The following MKRN2 variants were observed in gnomAD, a reference collection of about 807,000 sequenced individuals.
MKRN2 encodes makorin ring finger protein 2.
MKRN2 carries 32 observed loss-of-function variants against 45.4 expected under a neutral mutation model. The ratio of observed to expected loss-of-function variants is 0.70; its 90% CI spans 0.53 to 0.95. MKRN2 has a LOEUF of 0.95. Ranked by LOEUF, MKRN2 falls within the 40% of genes least tolerant of loss-of-function variation. MKRN2 has a pLI of 0.00. For synonymous variants in MKRN2, 206 were observed against 192.4 expected, an observed-to-expected ratio of 1.07 and a Z score of -0.59; for missense variants, 526 against 536.7, an observed-to-expected ratio of 0.98 and a Z score of 0.20.
At chr3:12,571,318 C>T (rs2058097802) in intron 3 of MKRN2, among the ~76,000 whole-genome samples, 1 of 152,094 alleles carries the variant, frequency 6.6e-6, no homozygotes, top group South Asian at 2.1e-4. Flanking sequence ...ACTATGTTGG[C>T]CAGGCTGGTC....
chr3:12,577,392 G>T (rs929823865), intron 6 of MKRN2, among the ~76,000 whole-genome samples: 1 of 151,726 alleles, frequency 6.6e-6, no homozygotes, highest in Non-Finnish European at 1.5e-5. Context: ...TTCTTTTCCT[G>T]CTGGGACTCT....
rs149484855 is a variant in MKRN2 at position 12,568,897 on chromosome 3, C to T, written c.49C>T (p.Arg17Trp). ...TCRYFMHGVC[R>W]EGSQCLFSHD... The stretch of plus-strand genomic sequence containing the variant: ...CAGGTATTTTATGCATGGTGTGTGT[C>T]GGGAAGGAAGTCAGTGCCTATTCTC... Residue 17 changes from arginine (R) to tryptophan (W), a missense_variant, in exon 2 of 8, where the codon CGG becomes TGG. Physicochemically the swap from Arg to Trp is moderately radical, Grantham distance 101. Coordinates refer to ENST00000170447, the MANE Select transcript of MKRN2 (RefSeq NM_014160.5). 8.1e-6 allele frequency: 13 copies of T among 1,613,642 alleles called. No homozygotes were observed. The East Asian group carries it at 8.9e-5, about 11-fold the overall frequency.
chr3:12,566,876 T>G (rs1350609709), intron 1 of MKRN2, among the ~76,000 whole-genome samples: 1 of 152,254 alleles, frequency 6.6e-6, no homozygotes, highest in African/African-American at 2.4e-5. Context: ...GCGCTGGGAT[T>G]ATAGGCGTGA....
chr3:12,574,935 C>T lies in MKRN2; in HGVS notation c.786C>T (p.Cys262=), dbSNP rs1457077257. 1.2e-6 allele frequency: 2 copies of T among 1,614,256 alleles called. No homozygotes were observed. The highest frequency in any genetic ancestry group is 2.2e-5 in the East Asian group (1 of 44,884). Residue 262 remains cysteine, a synonymous_variant, in exon 5 of 8, where the codon TGC becomes TGT. Coordinates refer to ENST00000170447, the MANE Select transcript of MKRN2 (RefSeq NM_014160.5). ...SERRFGILSN[C]NHTYCLSCIR... ...GGAGATTTGGGATTCTCTCCAATTG[C>T]AATCACACGTACTGTTTGTCCTGCA...
At chr3:12,563,858 G>A (rs1004005122) in intron 1 of MKRN2, among the ~76,000 whole-genome samples, 2 of 25,366 alleles carry the variant, frequency 7.9e-5, no homozygotes, top group Non-Finnish European at 1.7e-4. Context: ...GTCCATTAGC[G>A]CACGCTTGAG....
intron 6 of MKRN2, among the ~76,000 whole-genome samples, chr3:12,578,858 ATTTTTTTTTTTTT>A (rs374121518): frequency 8.0e-6 from 1 of 125,230 alleles, no homozygotes; most frequent in South Asian, 2.6e-4. Flanking sequence ...CTAAAGCTTG[ATTTTTTTTTTTTT>A]TTTTTTTTTA....
intron 1 of MKRN2, among the ~76,000 whole-genome samples, chr3:12,564,338 C>G (rs1056993912): frequency 6.6e-6 from 1 of 152,202 alleles, no homozygotes; most frequent in East Asian, 1.9e-4. Context: ...TACTGTTTTT[C>G]TATAGAAGCT....
intron 2 of MKRN2, 103 bp downstream of exon 2, chr3:12,569,106 CA>C: frequency 3.0e-6 from 4 of 1,347,184 alleles, no homozygotes; most frequent in Non-Finnish European, 3.0e-6. Flanking sequence ...GGCAACATCA[CA>C]AAAAGTATGG....
chr3:12,557,286 G>C, intron 1 of MKRN2, 110 bp downstream of exon 1: 1 of 1,400,564 alleles, frequency 7.1e-7, no homozygotes, highest in Non-Finnish European at 9.5e-7. Flanking sequence ...GACTCGGAAA[G>C]TTACTCGGCT....
rs1575525564 is a variant in MKRN2 at position 12,582,502 on chromosome 3, CAG to C, written c.*250_*251del. ...TGATATAGTTACACCTCAAGCCCCT[CAG>C]GGGTAACAACTAACAAACACCCAAA... is the stretch of plus-strand genomic sequence containing the variant. On this transcript the variant is annotated 3_prime_UTR_variant, in exon 8 of 8. Coordinates refer to ENST00000170447, the MANE Select transcript of MKRN2 (RefSeq NM_014160.5). The C allele has an allele frequency of 4.7e-6, 2 of 422,770 alleles. No homozygotes were observed. Among genetic ancestry groups the C allele is most frequent in the East Asian group, 3.8e-5 (1 of 26,394 alleles). 26.2% of individuals were successfully genotyped at this position (422,770 alleles called of 1,614,324 possible).
chr3:12,577,548 G>T (rs2058149400), intron 6 of MKRN2, among the ~76,000 whole-genome samples: 1 of 151,948 alleles, frequency 6.6e-6, no homozygotes, highest in Non-Finnish European at 1.5e-5. Flanking sequence ...GACCTCTGTT[G>T]TCTTTTAAGA....
At chr3:12,562,353 G>A (rs751516334) in intron 1 of MKRN2, among the ~76,000 whole-genome samples, 2 of 152,188 alleles carry the variant, frequency 1.3e-5, no homozygotes, top group African/African-American at 4.8e-5. Context: ...CAGGCAAGGG[G>A]CAGCCTTGGA....
At chr3:12,558,525 A>G (rs2058004708) in intron 1 of MKRN2, among the ~76,000 whole-genome samples, 1 of 152,176 alleles carries the variant, frequency 6.6e-6, no homozygotes, top group Admixed American at 6.5e-5. Flanking sequence ...AAGTGTCCAC[A>G]AAACAGTACA....
intron 5 of MKRN2, among the ~76,000 whole-genome samples, chr3:12,576,064 A>G (rs1476951502): frequency 6.6e-6 from 1 of 152,148 alleles, no homozygotes; most frequent in Non-Finnish European, 1.5e-5. Context: ...TTATGGTATA[A>G]TAACTCTACA....
At position 12,558,127 on chromosome 3, in the gene MKRN2, AAC is replaced by A. The variant is rs2057998966; in HGVS notation, c.26+953_26+954del. ...AAACAGTTATAGAGTTTGTGTAATA[AAC>A]AGTTTATTTTCTATGTTGTTACTTC... On this transcript the variant is annotated intron_variant, in intron 1 of 7. Coordinates refer to ENST00000170447, the MANE Select transcript of MKRN2 (RefSeq NM_014160.5). Among the ~76,000 whole-genome samples, 6 of 152,350 alleles carry A rather than the reference AAC, an allele frequency of 3.9e-5. No individual in the cohort carries two copies. The South Asian group carries it at 1.2e-3, about 32-fold the overall frequency.
chr3:12,583,073 A>C lies in MKRN2; in HGVS notation c.*820A>C, dbSNP rs2058197596. 2 of 152,240 alleles carry C rather than the reference A, an allele frequency of 1.3e-5. No homozygotes were observed. The highest frequency in any genetic ancestry group is 1.9e-4 in the East Asian group (1 of 5,198). 9.4% of individuals were successfully genotyped at this position (152,240 alleles called of 1,614,324 possible). On this transcript the variant is annotated 3_prime_UTR_variant, in exon 8 of 8. Transcript: ENST00000170447. ...ATCAGGGTAATTGTATTGAGAACTC[A>C]AATATACGTGCACTTACATGTGTGG...
At chr3:12,557,391 G>T (rs1028179008) in intron 1 of MKRN2, among the ~76,000 whole-genome samples, 1 of 152,244 alleles carries the variant, frequency 6.6e-6, no homozygotes, top group African/African-American at 2.4e-5. Flanking sequence ...AGGCCAGCGC[G>T]GGGGGCTACG....
In MKRN2 at chr3:12,557,853, C is replaced by T. The variant is rs544058564; in HGVS notation, c.26+677C>T. On this transcript the variant is annotated intron_variant, in intron 1 of 7. Coordinates refer to ENST00000170447, the MANE Select transcript of MKRN2 (RefSeq NM_014160.5). ...ACACTCATTTATCTTACTGAGAGAG[C>T]CATTTACGAGGAGAAATGCGACGGT... is the stretch of plus-strand genomic sequence containing the variant. Among the ~76,000 whole-genome samples the T allele has an allele frequency of 2.6e-5, 4 of 152,286 alleles. No homozygotes were observed. The East Asian group carries it at 7.7e-4, about 29-fold the overall frequency.
intron 1 of MKRN2, among the ~76,000 whole-genome samples, chr3:12,559,409 G>A (rs528421877): frequency 1.5e-4 from 23 of 152,218 alleles, no homozygotes; most frequent in Middle Eastern, 3.4e-3. Context: ...TCTAAGCAGC[G>A]TGTGCGGTTT....
Sources: allele counts gnomAD v4.1 joint callset (sites outside exome capture counted in the v4.1 genomes callset), GRCh38; gene constraint gnomAD v4.1.1; transcripts MANE v1.5; gene names NCBI Gene and HGNC (gene_info 2026-07-23, HGNC 2026-07-21).